The following TMEM89 variants were observed in gnomAD, a reference collection of about 807,000 sequenced individuals.
The protein encoded by TMEM89 is transmembrane protein 89.
In TMEM89, 4 loss-of-function variants were observed where a neutral mutation model predicts 9.3. That is an observed-to-expected ratio of 0.43 (90% confidence interval 0.21 to 0.98). The LOEUF is 0.98. Ranked by LOEUF, TMEM89 falls within the 50% of genes least tolerant of loss-of-function variation. The probability of loss-of-function intolerance (pLI) is 0.27; values close to 1 mark genes in which losing one functional copy is unlikely to be tolerated. For synonymous variants in TMEM89, 96 were observed against 92.5 expected (o/e 1.04, Z -0.21); for missense variants, 220 against 214.7 (o/e 1.02, Z -0.15).
rs752472122 is a variant in TMEM89 at position 48,621,737 on chromosome 3, G to A, written c.20C>T (p.Ser7Leu). 1.2e-5 allele frequency: 20 copies of A among 1,612,854 alleles called. No individual in the cohort carries two copies. The highest frequency in any genetic ancestry group is 6.7e-5 in the East Asian group (3 of 44,900). Residue 7 changes from serine to leucine, a missense_variant, in exon 1 of 2, where the codon TCG becomes TTG. Coordinates refer to ENST00000330862, the MANE Select transcript of TMEM89 (RefSeq NM_001008269.3). MLHVLA[S>L]LPLLLLLVTS... ...CACCAGCAGGAGCAGCAAAGGCAGC[G>A]AGGCCAGCACATGCAGCATGGCCGT... is the stretch of plus-strand genomic sequence containing the variant.
intron 1 of TMEM89, 150 bp from the exon 2 acceptor site, chr3:48,621,177 CGAGGGT>C: frequency 1.1e-6 from 1 of 871,476 alleles, no homozygotes; most frequent in Non-Finnish European, 1.8e-6. Flanking sequence ...AGAGGATCAC[CGAGGGT>C]CTGTTGTGGG....
At position 48,621,535 on chromosome 3, in the gene TMEM89, GATC is replaced by G; in HGVS notation, c.219_221del (p.Met73del). On this transcript the variant is annotated inframe_deletion, in exon 1 of 2. Transcript: ENST00000330862. ...GGCAGATCATCAGCATCGTGGTGGT[GATC>G]ATGACCGCAGCCACGGGGTAGATGC... is the stretch of plus-strand genomic sequence containing the variant. 1 of 1,613,878 alleles carries G rather than the reference GATC, an allele frequency of 6.2e-7. No individual in the cohort carries two copies. The highest frequency in any genetic ancestry group is 8.5e-7 in the Non-Finnish European group (1 of 1,179,980).
chr3:48,621,178 G>A (rs978672281), intron 1 of TMEM89, 151 bp from the exon 2 acceptor site: 20 of 866,408 alleles, frequency 2.3e-5, no homozygotes, highest in African/African-American at 1.2e-4. Context: ...GAGGATCACC[G>A]AGGGTCTGTT....
At position 48,621,470 on chromosome 3, in the gene TMEM89, T is replaced by A; in HGVS notation, c.287A>T (p.Lys96Met). The change falls in exon 1 of 2, where the codon AAG becomes ATG. Residue 96 changes from lysine to methionine, a missense_variant. Lys to Met is a moderately conservative substitution (Grantham distance 95). Transcript: ENST00000330862. ...LQGRRRSQAT[K>M]GEHPQVTTEP... ...AAGAAGAGCTGTGCTCACCTCACCC[T>A]TGGTGGCCTGTGAGCGCCGCCGCCC... 6.2e-7 allele frequency: 1 copy of A among 1,612,996 alleles called. No individual in the cohort carries two copies. Among genetic ancestry groups the A allele is most frequent in the Non-Finnish European group, 8.5e-7 (1 of 1,179,718 alleles).
chr3:48,621,379 G>A (rs561489210), intron 1 of TMEM89, 84 bp downstream of exon 1: 44 of 1,518,150 alleles, frequency 2.9e-5, no homozygotes, highest in Middle Eastern at 2.1e-4. Context: ...GGACCCATGG[G>A]GCAGGGTTGG....
intron 1 of TMEM89, 37 bp downstream of exon 1, chr3:48,621,426 G>A: frequency 1.2e-6 from 2 of 1,602,062 alleles, no homozygotes; most frequent in Non-Finnish European, 8.5e-7. Context: ...GTATATTGAG[G>A]CAGGGGCTGT....
chr3:48,621,516 T>C lies in TMEM89; in HGVS notation c.241A>G (p.Ile81Val), dbSNP rs746865673. 1.9e-6 allele frequency: 3 copies of C among 1,613,716 alleles called. No homozygotes were observed. Among genetic ancestry groups the C allele is most frequent in the East Asian group, 2.2e-5 (1 of 44,892 alleles). The change falls in exon 1 of 2, where the codon ATC becomes GTC. Residue 81 changes from isoleucine to valine, a missense_variant. Physicochemically the swap from Ile to Val is conservative, Grantham distance 29. Coordinates refer to ENST00000330862, the MANE Select transcript of TMEM89 (RefSeq NM_001008269.3). Reference sequence around the variant, plus strand: ...CGCCCCTGCAGTATCTTGCGGCAGATCATCAGCATCGTGGTGGTGATCATG... The same window carrying C: ...CGCCCCTGCAGTATCTTGCGGCAGACCATCAGCATCGTGGTGGTGATCATG... ...AVMITTTMLM[I>V]CRKILQGRRR...
Position 48,621,540 on chromosome 3 carries a change from T to C in TMEM89, c.217A>G (p.Met73Val), listed in dbSNP as rs201320379. 1.9e-6 allele frequency: 3 copies of C among 1,613,856 alleles called. No individual in the cohort carries two copies. The highest frequency in any genetic ancestry group is 2.5e-6 in the Non-Finnish European group (3 of 1,179,974). Residue 73 changes from methionine (M) to valine (V), a missense_variant, in exon 1 of 2, where the codon ATG becomes GTG. Coordinates refer to ENST00000330862, the MANE Select transcript of TMEM89 (RefSeq NM_001008269.3). ...ATCATCAGCATCGTGGTGGTGATCA[T>C]GACCGCAGCCACGGGGTAGATGCGG... ...ASRIYPVAAV[M>V]ITTTMLMICR... is the part of the protein sequence containing the mutation.
In TMEM89 at chr3:48,621,720, G is replaced by A; in HGVS notation, c.37C>T (p.Leu13=). The change falls in exon 1 of 2, where the codon CTG becomes TTG. Residue 13 remains leucine, a synonymous_variant. Transcript: ENST00000330862. ...TGGGTGGAGGCAGACGTCACCAGCA[G>A]GAGCAGCAAAGGCAGCGAGGCCAGC... ...HVLASLPLLL[L]LVTSASTHAW... 1.2e-6 allele frequency: 2 copies of A among 1,613,422 alleles called. No homozygotes were observed. The highest frequency in any genetic ancestry group is 1.7e-6 in the Non-Finnish European group (2 of 1,179,940).
chr3:48,621,380 G>GCAGGAGA, intron 1 of TMEM89, 83 bp downstream of exon 1: 1 of 1,518,272 alleles, frequency 6.6e-7, no homozygotes, highest in Non-Finnish European at 8.9e-7. Context: ...GACCCATGGG[G>GCAGGAGA]CAGGGTTGGG....
rs1455197760 is a variant in TMEM89, at chr3:48,621,574, A to C, written c.183T>G (p.Pro61=). Residue 61 remains proline (P), a synonymous_variant, in exon 1 of 2, where the codon CCT becomes CCG. Coordinates refer to ENST00000330862, the MANE Select transcript of TMEM89 (RefSeq NM_001008269.3). ...GLSCPGYWLG[P]GASRIYPVAA... ...CCACGGGGTAGATGCGGCTTGCTCC[A>C]GGGCCCAGCCAGTAGCCAGGACAGC... 1 of 1,613,592 alleles carries C rather than the reference A, an allele frequency of 6.2e-7. No homozygotes were observed. Among genetic ancestry groups the C allele is most frequent in the Non-Finnish European group, 8.5e-7 (1 of 1,179,942 alleles).
chr3:48,621,354 T>C (rs1184244335), intron 1 of TMEM89, 109 bp downstream of exon 1: 52 of 1,327,036 alleles, frequency 3.9e-5, no homozygotes, highest in Non-Finnish European at 4.5e-5. Flanking sequence ...GTGTGGGAGG[T>C]CCACAGGCCA....
intron 1 of TMEM89, 51 bp downstream of exon 1, chr3:48,621,412 G>A (rs373325295): frequency 2.1e-5 from 33 of 1,588,880 alleles, no homozygotes; most frequent in Admixed American, 7.2e-5. Context: ...CTCACTGAGC[G>A]TACGTATATT....
In TMEM89 at chr3:48,620,775, C is replaced by T; in HGVS notation, c.*67G>A. ...GCTGAAAAGGGACACACGGTCCAGA[C>T]AGGCCTGGAAAGAGCAGACCTGGCC... On this transcript the variant is annotated 3_prime_UTR_variant, in exon 2 of 2. Coordinates refer to ENST00000330862, the MANE Select transcript of TMEM89 (RefSeq NM_001008269.3). The T allele has an allele frequency of 6.7e-7, 1 of 1,499,468 alleles. No individual in the cohort carries two copies. The highest frequency in any genetic ancestry group is 9.3e-7 in the Non-Finnish European group (1 of 1,080,476). 92.9% of individuals were successfully genotyped at this position (1,499,468 alleles called of 1,614,324 possible).
chr3:48,621,761 G>A lies in TMEM89; in HGVS notation c.-5C>T, dbSNP rs200056398. On this transcript the variant is annotated 5_prime_UTR_variant, in exon 1 of 2. In the 5' UTR this introduces an upstream ATG that the reference lacks. Transcript: ENST00000330862. ...CGAGGCCAGCACATGCAGCATGGCC[G>A]TCGCTAGTGCCAGGGCCGGAACCCG... The A allele has an allele frequency of 1.1e-3, 1,770 of 1,608,366 alleles. No homozygotes were observed. The highest frequency in any genetic ancestry group is 1.4e-3 in the Non-Finnish European group (1,652 of 1,178,554).
chr3:48,620,950 C>A lies in TMEM89; in HGVS notation c.372G>T (p.Gly124=). The stretch of plus-strand genomic sequence containing the variant: ...GGAGGGCATCCAGCATGTGCAGGAC[C>A]CCACGGAGCAGGGTGTGGTCTGAGA... ...APISDHTLLR[G]VLHMLDALLV... The change falls in exon 2 of 2, where the codon GGG becomes GGT. Residue 124 remains glycine, a synonymous_variant. Transcript: ENST00000330862. 1 of 1,614,072 alleles carries A rather than the reference C, an allele frequency of 6.2e-7. No individual in the cohort carries two copies. Among genetic ancestry groups the A allele is most frequent in the South Asian group, 1.1e-5 (1 of 91,070 alleles).
chr3:48,621,156 C>A, intron 1 of TMEM89, 129 bp from the exon 2 acceptor site: 1 of 968,660 alleles, frequency 1.0e-6, no homozygotes, highest in Non-Finnish European at 1.5e-6. Flanking sequence ...GGGAGGGAGA[C>A]TCAGGGTGAT....
intron 1 of TMEM89, 26 bp from the exon 2 acceptor site, chr3:48,621,053 G>A (rs1267330208): frequency 6.2e-7 from 1 of 1,607,322 alleles, no homozygotes; most frequent in South Asian, 1.1e-5. Context: ...AGAGGCAGGA[G>A]TGAGAATGGT....
At chr3:48,621,126 G>T in intron 1 of TMEM89, 99 bp from the exon 2 acceptor site, 1 of 1,253,436 alleles carries the variant, frequency 8.0e-7, no homozygotes, top group Non-Finnish European at 1.1e-6. Context: ...GTAGGGTGTG[G>T]GGCAGTGCCC....
Sources: gnomAD v4.1 joint callset for allele counts on GRCh38, gnomAD v4.1.1 for gene constraint, MANE v1.5 for transcripts, NCBI Gene and HGNC (gene_info 2026-07-23, HGNC 2026-07-21) for gene names.